The following ANO2 variants were observed in gnomAD, a reference collection of about 807,000 sequenced individuals.
The protein encoded by ANO2 is anoctamin-2.
ANO2 carries 101 observed loss-of-function variants against 124.2 expected under a neutral mutation model. That is an observed-to-expected ratio of 0.81 (90% CI 0.69 to 0.96). ANO2 has a LOEUF of 0.96. Among genes scored for constraint, ANO2 ranks in the 40% least tolerant of loss-of-function variants. ANO2 has a pLI of 0.00. For synonymous variants in ANO2, 486 were observed against 482.5 expected (o/e 1.01, Z -0.09); for missense variants, 1,293 against 1,274.5 (o/e 1.01, Z -0.22).
chr12:5,860,689 C>T (rs76592186), intron 3 of ANO2, among the ~76,000 whole-genome samples: 1 of 152,172 alleles, frequency 6.6e-6, no homozygotes, highest in Non-Finnish European at 1.5e-5. Flanking sequence ...AGTTACTAAA[C>T]TTTCCACCTG....
intron 3 of ANO2, among the ~76,000 whole-genome samples, chr12:5,914,054 G>A (rs1014635623): frequency 1.3e-5 from 2 of 152,018 alleles, no homozygotes; most frequent in Admixed American, 6.6e-5. Flanking sequence ...ACAAAAATTA[G>A]CTGGGCATGG....
intron 14 of ANO2, among the ~76,000 whole-genome samples, chr12:5,698,633 C>A (rs1056674041): frequency 6.6e-6 from 1 of 152,186 alleles, no homozygotes; most frequent in East Asian, 1.9e-4. Flanking sequence ...AGGCTTCAGA[C>A]AATCAAATTT....
At chr12:5,604,912 T>C (rs1944138849) in intron 19 of ANO2, among the ~76,000 whole-genome samples, 1 of 151,790 alleles carries the variant, frequency 6.6e-6, no homozygotes, top group African/African-American at 2.4e-5. Context: ...CTTTTCTTTT[T>C]TTTTTTTAAT....
chr12:5,843,620 T>C (rs1018487729), intron 4 of ANO2, among the ~76,000 whole-genome samples: 16 of 152,292 alleles, frequency 1.1e-4, no homozygotes, highest in Admixed American at 1.0e-3. Context: ...GATTTTTCTT[T>C]CTGGATGTAC....
rs530445323 is a variant in ANO2 at position 5,908,820 on chromosome 12, T to G, written c.534+12220A>C. Among the ~76,000 whole-genome samples, 65 of 152,326 alleles carry G rather than the reference T, an allele frequency of 4.3e-4. No individual in the cohort carries two copies. Among genetic ancestry groups the G allele is most frequent in the Middle Eastern group, 3.4e-3 (1 of 294 alleles). On this transcript the variant is annotated intron_variant, in intron 3 of 24. Coordinates refer to ENST00000682330, the MANE Select transcript of ANO2 (RefSeq NM_001364791.2). The surrounding 1 kb of genome is among the most constrained non-coding windows in gnomAD (Gnocchi z 4.7). ...GTCGCTTTGTTTTCCCTTACAATTGTGTGCACAGAATAGGGAAGGCAGGGA... is the reference window on the plus strand; with the variant it reads ...GTCGCTTTGTTTTCCCTTACAATTGGGTGCACAGAATAGGGAAGGCAGGGA...
At chr12:5,861,912 C>A (rs1397264445) in intron 3 of ANO2, among the ~76,000 whole-genome samples, 1 of 152,094 alleles carries the variant, frequency 6.6e-6, no homozygotes, top group Non-Finnish European at 1.5e-5. Context: ...TGAGGTGTAG[C>A]CTTGAGACAG....
chr12:5,865,107 A>G (rs942818352), intron 3 of ANO2, among the ~76,000 whole-genome samples: 1 of 152,196 alleles, frequency 6.6e-6, no homozygotes, highest in Admixed American at 6.5e-5. Flanking sequence ...CCCCACAAGG[A>G]TATGCCCCTG....
intron 10 of ANO2, among the ~76,000 whole-genome samples, chr12:5,786,266 G>A (rs1952536802): frequency 6.6e-6 from 1 of 152,138 alleles, no homozygotes; most frequent in African/African-American, 2.4e-5. Context: ...GAATGCTCTA[G>A]AGCACCTGGC....
intron 14 of ANO2, among the ~76,000 whole-genome samples, chr12:5,692,525 A>G (rs752697351): frequency 1.3e-4 from 20 of 152,052 alleles, no homozygotes; most frequent in Admixed American, 6.5e-4. Context: ...CCCTTCCCCT[A>G]TGGCCAAGGG....
chr12:5,641,677 G>A (rs183751181), intron 15 of ANO2, among the ~76,000 whole-genome samples: 18 of 152,270 alleles, frequency 1.2e-4, no homozygotes, highest in East Asian at 1.2e-3. Context: ...TTCAGTTCCC[G>A]GAACTTGCTG....
chr12:5,672,692 C>G (rs1948071557), intron 14 of ANO2, among the ~76,000 whole-genome samples: 1 of 152,062 alleles, frequency 6.6e-6, no homozygotes, highest in Non-Finnish European at 1.5e-5. Flanking sequence ...AGAAGAGATC[C>G]AATACAGTGA....
Position 5,635,313 on chromosome 12 carries a change from A to G in ANO2, c.1655T>C (p.Ile552Thr). Residue 552 changes from isoleucine to threonine, a missense_variant, in exon 16 of 25, where the codon ATA becomes ACA. Coordinates refer to ENST00000682330, the MANE Select transcript of ANO2 (RefSeq NM_001364791.2). This position sits in a 1 kb window ranked among gnomAD's most constrained non-coding sequence, Gnocchi z 5.2. ...GGCTGCAGTTGTTATTCGATACACT[A>G]TCACCCCAAAGACGATTGAGAATGT... Reference protein sequence around the residue: ...ALTFSIVFGVIVYRITTAAAL... With the variant: ...ALTFSIVFGVTVYRITTAAAL... The G allele has an allele frequency of 6.2e-7, 1 of 1,601,744 alleles. No individual in the cohort carries two copies. The highest frequency in any genetic ancestry group is 8.5e-7 in the Non-Finnish European group (1 of 1,176,056).
intron 7 of ANO2, among the ~76,000 whole-genome samples, chr12:5,815,573 G>C (rs1486076602): frequency 2.6e-5 from 4 of 152,124 alleles, no homozygotes; most frequent in Non-Finnish European, 1.5e-5. Context: ...AAAGATTTCT[G>C]TACAGAAAGA....
chr12:5,643,780 T>C (rs1247721603), intron 15 of ANO2, among the ~76,000 whole-genome samples: 1 of 152,218 alleles, frequency 6.6e-6, no homozygotes, highest in Non-Finnish European at 1.5e-5. Context: ...ATTTCCAGGA[T>C]TACTAATGAG....
chr12:5,875,717 A>C (rs1938049317), intron 3 of ANO2, among the ~76,000 whole-genome samples: 1 of 152,148 alleles, frequency 6.6e-6, no homozygotes, highest in African/African-American at 2.4e-5. Context: ...TCCAGTATAC[A>C]CAAGAGCAGA....
chr12:5,796,444 TCA>T (rs1217052010), intron 10 of ANO2, among the ~76,000 whole-genome samples: 4 of 148,600 alleles, frequency 2.7e-5, no homozygotes, highest in African/African-American at 7.5e-5. Context: ...ACACATGCAC[TCA>T]CACACACACC....
At chr12:5,592,699 G>C (rs933226122) in intron 20 of ANO2, among the ~76,000 whole-genome samples, 21 of 152,196 alleles carry the variant, frequency 1.4e-4, no homozygotes, top group African/African-American at 5.1e-4. Context: ...AGTCAACTTA[G>C]GATGCATTTC....
intron 23 of ANO2, among the ~76,000 whole-genome samples, chr12:5,566,075 G>GT (rs916007086): frequency 6.6e-5 from 10 of 152,134 alleles, no homozygotes; most frequent in African/African-American, 2.4e-4. Flanking sequence ...GCAGCCGGGG[G>GT]GGTTGGGGAA....
Position 5,578,480 on chromosome 12 carries a change from AGGAGGCCACGAAGAG to A in ANO2, c.2257_2271del (p.Leu753_Ser757del), listed in dbSNP as rs753769212. 1 of 1,613,932 alleles carries A rather than the reference AGGAGGCCACGAAGAG, an allele frequency of 6.2e-7. No homozygotes were observed. The highest frequency in any genetic ancestry group is 8.5e-7 in the Non-Finnish European group (1 of 1,179,848). ...AGGGCAAACACAGGTGCCAGGGGAA[AGGAGGCCACGAAGAG>A]GGTGACAAAACCAAACTGGATGACT... On this transcript the variant is annotated inframe_deletion, in exon 21 of 25. Coordinates refer to ENST00000682330, the MANE Select transcript of ANO2 (RefSeq NM_001364791.2).
Sources: gnomAD v4.1 joint callset for allele counts (sites outside exome capture counted in the v4.1 genomes callset) on GRCh38, gnomAD v4.1.1 for gene constraint, Gnocchi (gnomAD v3.1) non-coding constraint, MANE v1.5 for transcripts, NCBI Gene and HGNC (gene_info 2026-07-23, HGNC 2026-07-21) for gene names.